Variants in CECR2 observed in about 807,000 individuals in gnomAD.
The protein encoded by CECR2 is chromatin remodeling regulator CECR2.
A neutral mutation model predicts 154.5 loss-of-function variants in CECR2; 30 were observed. The observed-to-expected ratio is 0.19, with a 90% confidence interval of 0.15 to 0.26. The LOEUF (loss-of-function observed/expected upper bound fraction) is 0.26, where lower values mean the gene tolerates loss of function less well. Ranked by LOEUF, CECR2 falls within the 10% of genes least tolerant of loss-of-function variation. CECR2 has a pLI of 1.00. For synonymous variants in CECR2, 725 were observed against 683.7 expected (o/e 1.06, Z -0.94); for missense variants, 1,743 against 1,829.3 (o/e 0.95, Z 0.86).
Position 17,500,709 on chromosome 22 carries a change from G to A in CECR2, c.624G>A (p.Lys208=), listed in dbSNP as rs2146882759. 6.4e-7 allele frequency: 1 copy of A among 1,555,004 alleles called. No homozygotes were observed. Among genetic ancestry groups the A allele is most frequent in the East Asian group, 2.4e-5 (1 of 41,288 alleles). Reference sequence around the variant, plus strand: ...GAAGAGGAAGACCCCCAAAACGGAAGAAACTGCAGGAGGAGATTCTGTTGA... The same window carrying A: ...GAAGAGGAAGACCCCCAAAACGGAAAAAACTGCAGGAGGAGATTCTGTTGA... The part of the protein sequence containing the change: ...GKRRGRPPKR[K]KLQEEILLSE... The change falls in exon 5 of 19, where the codon AAG becomes AAA. Residue 208 remains lysine (K), a synonymous_variant. Transcript: ENST00000262608.
chr22:17,401,284 T>C (rs554737273), intron 1 of CECR2, among the ~76,000 whole-genome samples: 12 of 152,336 alleles, frequency 7.9e-5, no homozygotes, highest in African/African-American at 2.9e-4. Context: ...TTGCAACTTA[T>C]TTTAAAAAAC....
At chr22:17,438,624 T>G (rs930037367) in intron 1 of CECR2, among the ~76,000 whole-genome samples, 11 of 152,176 alleles carry the variant, frequency 7.2e-5, no homozygotes, top group Non-Finnish European at 1.6e-4. Flanking sequence ...ATGAGATTTT[T>G]TTTTTTTGCA....
chr22:17,420,608 A>G lies in CECR2; in HGVS notation c.126+50699A>G, dbSNP rs115160958. 4.5e-3 allele frequency among the ~76,000 whole-genome samples: 683 copies of G among 152,306 alleles called. 6 individuals carry two copies. The highest frequency in any genetic ancestry group is 0.015 in the African/African-American group (641 of 41,554). ...GTCCCAACCACTGTGTTAGATTATA[A>G]AAATTAGTGGATTGAGTCCACTTTG... On this transcript the variant is annotated intron_variant, in intron 1 of 18. Coordinates refer to ENST00000262608, the MANE Select transcript of CECR2 (RefSeq NM_001290047.2).
intron 1 of CECR2, among the ~76,000 whole-genome samples, chr22:17,386,329 A>C (rs1200946776): frequency 6.6e-5 from 10 of 152,104 alleles, no homozygotes; most frequent in African/African-American, 2.4e-4. Context: ...CAAACAGAGA[A>C]GCTTAAGAGC....
At chr22:17,452,627 T>A (rs1228856772) in intron 1 of CECR2, among the ~76,000 whole-genome samples, 1 of 152,122 alleles carries the variant, frequency 6.6e-6, no homozygotes, top group African/African-American at 2.4e-5. Flanking sequence ...TTGACCGAGA[T>A]GGGGAAGACT....
intron 3 of CECR2, among the ~76,000 whole-genome samples, chr22:17,498,441 C>T (rs1466853337): frequency 6.6e-6 from 1 of 151,680 alleles, no homozygotes; most frequent in Admixed American, 6.6e-5. Flanking sequence ...TTATTGCTTT[C>T]ACTCATAGGG....
intron 1 of CECR2, among the ~76,000 whole-genome samples, chr22:17,364,059 T>C (rs1012247495): frequency 1.1e-4 from 16 of 152,024 alleles, no homozygotes; most frequent in African/African-American, 3.9e-4. Flanking sequence ...ATTTGTGCCA[T>C]ACTCCCGGGC....
chr22:17,413,649 G>C (rs146715217), intron 1 of CECR2, among the ~76,000 whole-genome samples: 1 of 151,580 alleles, frequency 6.6e-6, no homozygotes, highest in South Asian at 2.1e-4. Context: ...AATTTCATGT[G>C]CATTTGGAAG....
At chr22:17,504,367 G>C (rs116073487) in intron 6 of CECR2, among the ~76,000 whole-genome samples, 19,899 of 151,712 alleles carry the variant, frequency 0.13, 1,522 homozygotes, top group Non-Finnish European at 0.18. Flanking sequence ...AGAGCCAGAC[G>C]TTGTCTCAAA....
At chr22:17,460,424 G>T (rs902061821) in intron 1 of CECR2, among the ~76,000 whole-genome samples, 7 of 152,182 alleles carry the variant, frequency 4.6e-5, no homozygotes, top group African/African-American at 1.7e-4. Flanking sequence ...TGGCCAGGCT[G>T]GTCACTAACT....
At chr22:17,525,562 T>A (rs1382704020) in intron 9 of CECR2, among the ~76,000 whole-genome samples, 1 of 152,078 alleles carries the variant, frequency 6.6e-6, no homozygotes, top group Non-Finnish European at 1.5e-5. Context: ...GCCGAGATCG[T>A]GCTACTGCAC....
intron 18 of CECR2, 115 bp from the exon 19 acceptor site, chr22:17,552,720 A>G (rs2056725945): frequency 1.5e-5 from 15 of 1,005,082 alleles, no homozygotes; most frequent in Non-Finnish European, 1.6e-5. Context: ...CTGATGAAAC[A>G]GAATCAAGCC....
At chr22:17,409,000 G>A (rs2054027679) in intron 1 of CECR2, among the ~76,000 whole-genome samples, 1 of 152,292 alleles carries the variant, frequency 6.6e-6, no homozygotes, top group East Asian at 1.9e-4. Flanking sequence ...ACTCCATAGG[G>A]CCTTTGCACC....
At chr22:17,363,534 G>C (rs890389628) in intron 1 of CECR2, among the ~76,000 whole-genome samples, 1 of 151,830 alleles carries the variant, frequency 6.6e-6, no homozygotes, top group African/African-American at 2.4e-5. Context: ...GCAAAGACAG[G>C]GTTTCACTAT....
chr22:17,423,259 A>G (rs1030901390), intron 1 of CECR2, among the ~76,000 whole-genome samples: 2 of 152,044 alleles, frequency 1.3e-5, no homozygotes, highest in African/African-American at 4.8e-5. Flanking sequence ...CCCACCCTTC[A>G]TGGGACAAGA....
At chr22:17,489,514 G>T (rs1421900098) in intron 2 of CECR2, among the ~76,000 whole-genome samples, 1 of 152,180 alleles carries the variant, frequency 6.6e-6, no homozygotes, top group Non-Finnish European at 1.5e-5. Flanking sequence ...GGAGTGCAGT[G>T]CTGTGATCAT....
chr22:17,511,537 T>C (rs2055952973), intron 7 of CECR2, among the ~76,000 whole-genome samples: 2 of 151,716 alleles, frequency 1.3e-5, no homozygotes, highest in Admixed American at 6.6e-5. Context: ...TTTTTTTTAC[T>C]GTTTAAACTG....
At chr22:17,417,562 A>G (rs540224916) in intron 1 of CECR2, among the ~76,000 whole-genome samples, 1 of 152,272 alleles carries the variant, frequency 6.6e-6, no homozygotes, top group Admixed American at 6.5e-5. Flanking sequence ...CAAGCCATTC[A>G]CACGAGCAGC....
At chr22:17,497,341 C>T in intron 2 of CECR2, 62 bp from the exon 3 acceptor site, 1 of 1,484,534 alleles carries the variant, frequency 6.7e-7, no homozygotes, top group South Asian at 1.3e-5. Flanking sequence ...CTCTCTCTCT[C>T]CTTCTCCCAA....
Sources: allele counts gnomAD v4.1 joint callset (sites outside exome capture counted in the v4.1 genomes callset), GRCh38; gene constraint gnomAD v4.1.1; transcripts MANE v1.5; gene names NCBI Gene and HGNC (gene_info 2026-07-23, HGNC 2026-07-21).